SPACA7: variants seen among roughly 807,000 people sequenced by gnomAD.
SPACA7 encodes sperm acrosome associated 7.
In SPACA7, 19 loss-of-function variants were observed where a neutral mutation model predicts 26.3. The observed-to-expected ratio is 0.72, with a 90% confidence interval of 0.50 to 1.06. The LOEUF is 1.06. SPACA7 is among the 50% of genes least tolerant of loss of function. SPACA7 has a pLI of 0.00. For synonymous variants in SPACA7, 84 were observed against 84.5 expected (o/e 0.99, Z 0.04); for missense variants, 211 against 229.9 (o/e 0.92, Z 0.53).
intron 1 of SPACA7, among the ~76,000 whole-genome samples, chr13:112,382,813 C>T (rs1329695033): frequency 6.6e-6 from 1 of 151,858 alleles, no homozygotes; most frequent in Non-Finnish European, 1.5e-5. Context: ...CATGGTGATA[C>T]CCTGTCTCTA....
In SPACA7 at chr13:112,434,684, A is replaced by C. The variant is rs1877565142; in HGVS notation, c.*135A>C. 1.5e-6 allele frequency: 1 copy of C among 679,198 alleles called. No homozygotes were observed. The highest frequency in any genetic ancestry group is 2.5e-6 in the Non-Finnish European group (1 of 398,116). 42.1% of individuals were successfully genotyped at this position (679,198 alleles called of 1,614,324 possible). A position where few individuals can be genotyped will look rare whatever the true frequency, so the allele number is the denominator to read the frequency against. ...CCACATAAAGGAAAATCGTTTATTC[A>C]CACGATCCCAATTGGAGTTGGTTTA... is the stretch of plus-strand genomic sequence containing the variant. On this transcript the variant is annotated 3_prime_UTR_variant, in exon 7 of 7. Coordinates refer to ENST00000283550, the MANE Select transcript of SPACA7 (RefSeq NM_145248.5).
At chr13:112,416,773 T>C (rs7993063) in intron 5 of SPACA7, among the ~76,000 whole-genome samples, 99 of 152,102 alleles carry the variant, frequency 6.5e-4, no homozygotes, top group African/African-American at 2.3e-3. Context: ...GTCTCACCTA[T>C]GTTTCAGTCA....
At chr13:112,399,378 G>A (rs750505826) in intron 4 of SPACA7, among the ~76,000 whole-genome samples, 6 of 152,254 alleles carry the variant, frequency 3.9e-5, no homozygotes, top group Admixed American at 1.3e-4. Context: ...CTGTGGGGCC[G>A]ACCCTGGAAA....
chr13:112,395,084 T>A (rs531327834), intron 2 of SPACA7, among the ~76,000 whole-genome samples: 1 of 152,206 alleles, frequency 6.6e-6, no homozygotes, highest in South Asian at 2.1e-4. Flanking sequence ...TCACGTGCAA[T>A]GTCAAAGCCT....
chr13:112,422,666 C>A (rs1056295691), intron 5 of SPACA7, among the ~76,000 whole-genome samples: 5 of 152,148 alleles, frequency 3.3e-5, no homozygotes, highest in African/African-American at 1.2e-4. Context: ...CAAATATTTG[C>A]AAATTATGCA....
At chr13:112,416,272 AGTTGTTGTTGTTGTTGTTTGTT>A (rs1226934594) in intron 5 of SPACA7, among the ~76,000 whole-genome samples, 1 of 82,758 alleles carries the variant, frequency 1.2e-5, no homozygotes, top group Non-Finnish European at 2.4e-5. Context: ...CTGGATTGTC[AGTTGTTGTTGTTGTTGTTTGTT>A]GTTGTTGTTG....
intron 2 of SPACA7, among the ~76,000 whole-genome samples, chr13:112,396,924 G>T (rs777766879): frequency 2.6e-5 from 4 of 152,164 alleles, no homozygotes; most frequent in Non-Finnish European, 5.9e-5. Flanking sequence ...GGGGGTGCAG[G>T]CCTGGACACT....
intron 5 of SPACA7, among the ~76,000 whole-genome samples, chr13:112,404,096 GATTTTTT>G: frequency 6.6e-6 from 1 of 152,032 alleles, no homozygotes; most frequent in Non-Finnish European, 1.5e-5. Flanking sequence ...ATTATTTTTT[GATTTTTT>G]GATTATGGCC....
In SPACA7 at chr13:112,380,244, A is replaced by G. The variant is rs140419169; in HGVS notation, c.94+3765A>G. On this transcript the variant is annotated intron_variant, in intron 1 of 6. Coordinates refer to ENST00000283550, the MANE Select transcript of SPACA7 (RefSeq NM_145248.5). ...AGTCTGACCAACATGGTGAAACCCC[A>G]TCTCTACAAAATTAGCCAGACATGG... Among the ~76,000 whole-genome samples the G allele has an allele frequency of 3.3e-3, 503 of 152,164 alleles. 1 individual carries two copies. Among genetic ancestry groups the G allele is most frequent in the African/African-American group, 0.012 (479 of 41,516 alleles).
At chr13:112,379,279 T>G (rs543676517) in intron 1 of SPACA7, among the ~76,000 whole-genome samples, 5 of 152,334 alleles carry the variant, frequency 3.3e-5, no homozygotes, top group African/African-American at 1.2e-4. Flanking sequence ...CCAGAGTACT[T>G]GGCAGAGTCT....
chr13:112,422,109 GA>G (rs956594442), intron 5 of SPACA7, among the ~76,000 whole-genome samples: 42 of 151,536 alleles, frequency 2.8e-4, no homozygotes, highest in African/African-American at 9.7e-4. Context: ...GAAAACTTTA[GA>G]AAAAAAAGAA....
chr13:112,403,872 C>T (rs1885804643), intron 5 of SPACA7, among the ~76,000 whole-genome samples: 1 of 152,188 alleles, frequency 6.6e-6, no homozygotes, highest in African/African-American at 2.4e-5. Context: ...GCAAATTGTG[C>T]TGTGATAAGC....
At chr13:112,427,185 AG>A (rs1196563140) in intron 5 of SPACA7, among the ~76,000 whole-genome samples, 2 of 152,214 alleles carry the variant, frequency 1.3e-5, no homozygotes, top group Non-Finnish European at 2.9e-5. Context: ...TCAGTCTTTG[AG>A]GGCAATGTGG....
chr13:112,400,564 T>A (rs371449854), intron 4 of SPACA7, among the ~76,000 whole-genome samples: 1 of 152,210 alleles, frequency 6.6e-6, no homozygotes, highest in Non-Finnish European at 1.5e-5. Flanking sequence ...AGCCAAGAAC[T>A]GGATGCTTGC....
At chr13:112,402,368 A>G (rs960145760) in intron 5 of SPACA7, among the ~76,000 whole-genome samples, 9 of 151,302 alleles carry the variant, frequency 5.9e-5, no homozygotes, top group African/African-American at 1.2e-4. Context: ...CTTGATTTCT[A>G]TAGGTTAATT....
chr13:112,429,203 C>A (rs1297777631), intron 5 of SPACA7, among the ~76,000 whole-genome samples: 6 of 152,022 alleles, frequency 3.9e-5, no homozygotes, highest in African/African-American at 1.2e-4. Context: ...ATAGCAAGAC[C>A]TCATCTCTAC....
intron 5 of SPACA7, 88 bp downstream of exon 5, chr13:112,401,252 G>A: frequency 2.0e-6 from 2 of 985,884 alleles, no homozygotes; most frequent in Non-Finnish European, 3.2e-6. Flanking sequence ...AGCCTCGCCA[G>A]TATGCCTTGT....
intron 1 of SPACA7, among the ~76,000 whole-genome samples, chr13:112,387,744 T>C (rs1387640123): frequency 6.6e-6 from 1 of 152,102 alleles, no homozygotes; most frequent in African/African-American, 2.4e-5. Context: ...CAAGAGAAAA[T>C]CACCATTTCC....
chr13:112,407,111 A>G (rs930731044), intron 5 of SPACA7, among the ~76,000 whole-genome samples: 13 of 152,376 alleles, frequency 8.5e-5, no homozygotes, highest in Admixed American at 1.3e-4. Context: ...CTGCTCCTGA[A>G]TGACTACTGG....
Sources: gnomAD v4.1 joint callset for allele counts (sites outside exome capture counted in the v4.1 genomes callset) on GRCh38, gnomAD v4.1.1 for gene constraint, MANE v1.5 for transcripts, NCBI Gene and HGNC (gene_info 2026-07-23, HGNC 2026-07-21) for gene names.